TMEM108: variants seen among roughly 807,000 people sequenced by gnomAD.
TMEM108 encodes the protein transmembrane protein 108.
Under a neutral mutation model 35.1 loss-of-function variants are expected in TMEM108, and 12 were observed. That is an observed-to-expected ratio of 0.34 (90% CI 0.22 to 0.55). The LOEUF (loss-of-function observed/expected upper bound fraction) is 0.55, where lower values mean the gene tolerates loss of function less well. TMEM108 is among the 20% of genes least tolerant of loss of function. TMEM108 has a pLI of 0.89. For synonymous variants in TMEM108, 287 were observed against 308.6 expected, an observed-to-expected ratio of 0.93 and a Z score of 0.73; for missense variants, 680 against 753.3, an observed-to-expected ratio of 0.90 and a Z score of 1.14.
At chr3:133,181,809 C>T (rs1404983728) in intron 2 of TMEM108, among the ~76,000 whole-genome samples, 1 of 152,170 alleles carries the variant, frequency 6.6e-6, no homozygotes, top group African/African-American at 2.4e-5. Context: ...AGCTAGTCAA[C>T]TGAAAGTAGT....
intron 3 of TMEM108, among the ~76,000 whole-genome samples, chr3:133,269,116 T>C (rs549445324): frequency 6.6e-6 from 1 of 152,350 alleles, no homozygotes; most frequent in East Asian, 1.9e-4. Flanking sequence ...TGTCAATCTT[T>C]GTTTTTCCCC....
intron 2 of TMEM108, among the ~76,000 whole-genome samples, chr3:133,195,521 T>C (rs931881122): frequency 2.0e-5 from 3 of 152,260 alleles, no homozygotes; most frequent in Admixed American, 1.3e-4. Context: ...CAGCATACGG[T>C]ATTTCTGTTG....
At chr3:133,336,452 A>G (rs1416467248) in intron 3 of TMEM108, among the ~76,000 whole-genome samples, 3 of 151,988 alleles carry the variant, frequency 2.0e-5, no homozygotes. Flanking sequence ...TCCAGTCCCT[A>G]GCTCCCAGTT....
At chr3:133,368,168 G>A (rs1236528023) in intron 3 of TMEM108, among the ~76,000 whole-genome samples, 1 of 130,634 alleles carries the variant, frequency 7.7e-6, no homozygotes, top group African/African-American at 2.8e-5. Flanking sequence ...TGGGGATTCA[G>A]TGCACTGGGT....
intron 3 of TMEM108, among the ~76,000 whole-genome samples, chr3:133,370,536 T>C (rs1383081483): frequency 6.6e-6 from 1 of 152,228 alleles, no homozygotes; most frequent in Non-Finnish European, 1.5e-5. Context: ...TTTTATGAGC[T>C]TCTTCCTTTT....
intron 2 of TMEM108, among the ~76,000 whole-genome samples, chr3:133,178,063 A>G (rs1000018591): frequency 1.8e-4 from 27 of 152,166 alleles, no homozygotes; most frequent in Non-Finnish European, 3.2e-4. Flanking sequence ...CCCATTCACA[A>G]TTGCTTCAAA....
chr3:133,183,951 G>A (rs564330224), intron 2 of TMEM108, among the ~76,000 whole-genome samples: 7 of 152,226 alleles, frequency 4.6e-5, no homozygotes, highest in African/African-American at 1.4e-4. Flanking sequence ...GGCCAGCCTG[G>A]TATTTTACCA....
rs148272827 is a variant in TMEM108, at chr3:133,309,682, C to CTTTTTTTTTTT, written c.41-70044_41-70034dup. On this transcript the variant is annotated intron_variant, in intron 3 of 5. Transcript: ENST00000321871. ...TAGTTATGCGGGTTTGAGTGAGTTT[C>CTTTTTTTTTTT]TTTTTTTTTTTTTTTTTTTTTTTTT... Among the ~76,000 whole-genome samples, 14 of 69,194 alleles carry CTTTTTTTTTTT rather than the reference C, an allele frequency of 2.0e-4. 1 individual carries two copies. The highest frequency in any genetic ancestry group is 3.4e-4 in the Admixed American group (2 of 5,968). The allele number at this position is 69,194 out of a possible 152,430, so 45.4% of individuals were successfully genotyped here.
At chr3:133,121,740 G>A (rs997380121) in intron 2 of TMEM108, among the ~76,000 whole-genome samples, 1 of 152,190 alleles carries the variant, frequency 6.6e-6, no homozygotes, top group Non-Finnish European at 1.5e-5. Context: ...CAGTTAAAAT[G>A]GCAATGTCAA....
intron 2 of TMEM108, among the ~76,000 whole-genome samples, chr3:133,221,223 G>A (rs1055748138): frequency 1.2e-4 from 18 of 152,120 alleles, no homozygotes; most frequent in Non-Finnish European, 2.2e-4. Flanking sequence ...AAAGCTGCAA[G>A]CTATATTCAT....
At chr3:133,373,876 G>A (rs917348954) in intron 3 of TMEM108, among the ~76,000 whole-genome samples, 1 of 152,212 alleles carries the variant, frequency 6.6e-6, no homozygotes, top group Non-Finnish European at 1.5e-5. Context: ...GGTTGACCAG[G>A]CTCAGCTAGG....
chr3:133,175,432 G>C (rs912722815), intron 2 of TMEM108, among the ~76,000 whole-genome samples: 3 of 152,144 alleles, frequency 2.0e-5, no homozygotes, highest in Non-Finnish European at 4.4e-5. Flanking sequence ...GAAAGGTCGG[G>C]TTACCCACAA....
At chr3:133,277,242 C>T (rs960856773) in intron 3 of TMEM108, among the ~76,000 whole-genome samples, 2 of 151,744 alleles carry the variant, frequency 1.3e-5, no homozygotes, top group Middle Eastern at 3.2e-3. Flanking sequence ...ATAATTGTAC[C>T]GTGGTTATGT....
At chr3:133,224,632 C>A (rs956632906) in intron 2 of TMEM108, among the ~76,000 whole-genome samples, 1 of 152,108 alleles carries the variant, frequency 6.6e-6, no homozygotes, top group African/African-American at 2.4e-5. Flanking sequence ...GCTCTTTTCT[C>A]TCTTGCCCGC....
At chr3:133,077,748 C>T (rs1436750259) in intron 2 of TMEM108, among the ~76,000 whole-genome samples, 1 of 152,174 alleles carries the variant, frequency 6.6e-6, no homozygotes, top group African/African-American at 2.4e-5. Context: ...AGTTGGCTAG[C>T]TTCCTCTGCC....
intron 2 of TMEM108, among the ~76,000 whole-genome samples, chr3:133,212,880 AGG>A (rs1222909181): frequency 1.8e-5 from 2 of 111,968 alleles, no homozygotes; most frequent in Non-Finnish European, 1.7e-5. Context: ...AAAAAAAAAA[AGG>A]AAAAAAAAAA....
chr3:133,076,476 G>A (rs1052768257), intron 2 of TMEM108, among the ~76,000 whole-genome samples: 6 of 152,210 alleles, frequency 3.9e-5, no homozygotes, highest in Admixed American at 3.3e-4. Context: ...TGATGTTGGA[G>A]ATTGGGCAGG....
At chr3:133,151,647 C>G (rs1296921517) in intron 2 of TMEM108, among the ~76,000 whole-genome samples, 1 of 152,000 alleles carries the variant, frequency 6.6e-6, no homozygotes, top group East Asian at 1.9e-4. Flanking sequence ...AACAAAGAGC[C>G]TATTGTAACA....
intron 2 of TMEM108, among the ~76,000 whole-genome samples, chr3:133,110,985 C>A (rs1271146598): frequency 1.3e-5 from 2 of 152,154 alleles, no homozygotes; most frequent in African/African-American, 4.8e-5. Flanking sequence ...AGGCCATAGT[C>A]CTTTTGAGGT....
Sources: allele counts gnomAD v4.1 joint callset (sites outside exome capture counted in the v4.1 genomes callset), GRCh38; gene constraint gnomAD v4.1.1; transcripts MANE v1.5; gene names NCBI Gene and HGNC (gene_info 2026-07-23, HGNC 2026-07-21).